Variants in RAP1A observed in about 807,000 individuals in gnomAD.
RAP1A encodes the protein ras-related protein Rap-1A.
Under a neutral mutation model 26.4 loss-of-function variants are expected in RAP1A, and 6 were observed. The observed-to-expected ratio is 0.23, with a 90% CI of 0.12 to 0.45. The LOEUF is 0.45. Among genes scored for constraint, RAP1A ranks in the 20% least tolerant of loss-of-function variants. The pLI, the probability that RAP1A is intolerant of heterozygous loss-of-function variation, is 0.99. For synonymous variants in RAP1A, 73 were observed against 79.4 expected (o/e 0.92, Z 0.43); for missense variants, 121 against 217.2 (o/e 0.56, Z 2.78).
At chr1:111,587,799 T>C (rs1393045615) in intron 1 of RAP1A, among the ~76,000 whole-genome samples, 2 of 152,188 alleles carry the variant, frequency 1.3e-5, no homozygotes, top group Non-Finnish European at 2.9e-5. Flanking sequence ...CACAGGGCTA[T>C]CCTTACCTCA....
intron 1 of RAP1A, among the ~76,000 whole-genome samples, chr1:111,625,823 T>G (rs1213450370): frequency 2.0e-5 from 3 of 152,152 alleles, no homozygotes; most frequent in Non-Finnish European, 4.4e-5. Context: ...TCTTCCTTTT[T>G]CTTTCACAGA....
At chr1:111,693,918 T>C (rs1380173643) in intron 2 of RAP1A, among the ~76,000 whole-genome samples, 1 of 151,572 alleles carries the variant, frequency 6.6e-6, no homozygotes, top group African/African-American at 2.4e-5. Context: ...TTTTAAATCT[T>C]GAATCAGCAT....
intron 1 of RAP1A, among the ~76,000 whole-genome samples, chr1:111,642,446 C>T (rs1439489008): frequency 6.6e-6 from 1 of 151,622 alleles, no homozygotes; most frequent in Non-Finnish European, 1.5e-5. Context: ...CTTGCTTATT[C>T]CTCCTGAAGT....
At chr1:111,557,779 A>G (rs1198185476) in intron 1 of RAP1A, among the ~76,000 whole-genome samples, 2 of 152,186 alleles carry the variant, frequency 1.3e-5, no homozygotes, top group African/African-American at 2.4e-5. Context: ...ACAATAAGTA[A>G]AATAGCTAAT....
At chr1:111,566,836 G>T (rs1308349210) in intron 1 of RAP1A, among the ~76,000 whole-genome samples, 6 of 151,436 alleles carry the variant, frequency 4.0e-5, no homozygotes, top group African/African-American at 1.5e-4. Flanking sequence ...AGGTTTTGTG[G>T]AGCCTAAAAT....
chr1:111,613,328 T>C lies in RAP1A; in HGVS notation c.-28+70819T>C, dbSNP rs190324496. Among the ~76,000 whole-genome samples, 812 of 152,012 alleles carry C rather than the reference T, an allele frequency of 5.3e-3. 4 individuals carry two copies. The highest frequency in any genetic ancestry group is 0.018 in the African/African-American group (754 of 41,442). On this transcript the variant is annotated intron_variant, in intron 1 of 7. Coordinates refer to the RAP1A transcript ENST00000356415. ...CATTCTCCTGCCTCAGCCTCCCGAGTAGCTGGGACTACAGGCGCCCGCCAC... is the reference window on the plus strand; with the variant it reads ...CATTCTCCTGCCTCAGCCTCCCGAGCAGCTGGGACTACAGGCGCCCGCCAC...
chr1:111,695,518 T>C, intron 3 of RAP1A, 109 bp downstream of exon 3: 3 of 713,980 alleles, frequency 4.2e-6, no homozygotes, highest in Non-Finnish European at 6.5e-6. Flanking sequence ...AATACAAATA[T>C]TGTGCATCTG....
chr1:111,662,450 A>G (rs1410427987), intron 1 of RAP1A, among the ~76,000 whole-genome samples: 6 of 151,874 alleles, frequency 4.0e-5, no homozygotes, highest in South Asian at 4.2e-4. Context: ...TTGTTCCTCA[A>G]TCAGATGTTT....
chr1:111,663,987 C>G (rs1660713448), intron 1 of RAP1A, among the ~76,000 whole-genome samples: 1 of 152,102 alleles, frequency 6.6e-6, no homozygotes, highest in Admixed American at 6.5e-5. Flanking sequence ...TCTTCAAACT[C>G]TTGCTCAAAA....
chr1:111,646,446 C>G (rs1660070635), intron 1 of RAP1A, among the ~76,000 whole-genome samples: 1 of 149,148 alleles, frequency 6.7e-6, no homozygotes, highest in South Asian at 2.1e-4. Context: ...AAAACAAAAC[C>G]TCAATTCCCA....
intron 6 of RAP1A, chr1:111,706,873 AAG>A (rs1218609711): frequency 6.3e-5 from 21 of 335,734 alleles, no homozygotes; most frequent in Non-Finnish European, 8.5e-5. Context: ...GGCTAGTATG[AAG>A]AAACTGAAAT....
intron 1 of RAP1A, among the ~76,000 whole-genome samples, chr1:111,579,377 T>C (rs1372339142): frequency 1.3e-5 from 2 of 152,124 alleles, no homozygotes; most frequent in African/African-American, 2.4e-5. Flanking sequence ...GAAGCTATGA[T>C]AGGAACCAGG....
Position 111,619,805 on chromosome 1 carries a change from C to A in RAP1A, c.-157C>A, listed in dbSNP as rs986956128. 2 of 398,816 alleles carry A rather than the reference C, an allele frequency of 5.0e-6. No homozygotes were observed. The highest frequency in any genetic ancestry group is 3.6e-5 in the East Asian group (1 of 28,092). The allele number at this position is 398,816 out of a possible 1,614,324, so 24.7% of individuals were successfully genotyped here. The stretch of plus-strand genomic sequence containing the variant: ...GGAGGCGCCGCCGCCGCTCCCGAGG[C>A]CCCTGCCGCCGCCGCTCCCGCTGCT... On this transcript the variant is annotated 5_prime_UTR_variant, in exon 1 of 8. Transcript: ENST00000369709.
chr1:111,712,921 T>C lies in RAP1A; in HGVS notation c.*520T>C, dbSNP rs1320911628. The C allele has an allele frequency of 6.6e-6, 1 of 152,540 alleles. No homozygotes were observed. Among genetic ancestry groups the C allele is most frequent in the African/African-American group, 2.4e-5 (1 of 41,474 alleles). The allele number at this position is 152,540 out of a possible 1,614,324, so 9.4% of individuals were successfully genotyped here. ...AATTATGGAATATCATCTGTCATTATATTCTAATTAAAATTGTGCATAATG... is the reference window on the plus strand; with the variant it reads ...AATTATGGAATATCATCTGTCATTACATTCTAATTAAAATTGTGCATAATG... On this transcript the variant is annotated 3_prime_UTR_variant, in exon 8 of 8. Coordinates refer to ENST00000369709, the MANE Select transcript of RAP1A (RefSeq NM_002884.4).
chr1:111,606,630 C>T (rs758353811), intron 1 of RAP1A, among the ~76,000 whole-genome samples: 12 of 152,162 alleles, frequency 7.9e-5, no homozygotes, highest in Non-Finnish European at 1.8e-4. Flanking sequence ...CTCCAAGCTC[C>T]CACCACCACA....
rs994763442 is a variant in RAP1A at position 111,593,652 on chromosome 1, CTTTTTTTT to C, written c.-28+51163_-28+51170del. Among the ~76,000 whole-genome samples, 50 of 65,408 alleles carry C rather than the reference CTTTTTTTT, an allele frequency of 7.6e-4. 1 individual carries two copies. Among genetic ancestry groups the C allele is most frequent in the Admixed American group, 3.8e-3 (18 of 4,764 alleles). 42.9% of individuals were successfully genotyped at this position (65,408 alleles called of 152,430 possible). A position where few individuals can be genotyped will look rare whatever the true frequency, so the allele number is the denominator to read the frequency against. On this transcript the variant is annotated intron_variant, in intron 1 of 7. Transcript: ENST00000356415. ...CTGGCAGCTTAAGTTATGACTCCTA[CTTTTTTTT>C]TTTTTTTTTTTTTTTTTTTACCTTT...
intron 1 of RAP1A, chr1:111,563,759 C>A: frequency 2.1e-6 from 2 of 940,764 alleles, no homozygotes; most frequent in Non-Finnish European, 3.4e-6. Context: ...TGCCCCATAT[C>A]ATGAATAAAT....
chr1:111,646,555 T>G (rs1320111538), intron 1 of RAP1A, among the ~76,000 whole-genome samples: 1 of 152,130 alleles, frequency 6.6e-6, no homozygotes, highest in Non-Finnish European at 1.5e-5. Context: ...TCTTTCTTTT[T>G]TTTTGGACGG....
chr1:111,683,723 A>G (rs1424837560), intron 1 of RAP1A, among the ~76,000 whole-genome samples: 1 of 152,232 alleles, frequency 6.6e-6, no homozygotes, highest in Non-Finnish European at 1.5e-5. Flanking sequence ...GCCGAATTCT[A>G]CCAGAGGTAC....
Sources: allele counts gnomAD v4.1 joint callset (sites outside exome capture counted in the v4.1 genomes callset), GRCh38; gene constraint gnomAD v4.1.1; transcripts MANE v1.5; gene names NCBI Gene and HGNC (gene_info 2026-07-23, HGNC 2026-07-21).